Variants in RHOH observed in about 807,000 individuals in gnomAD.
RHOH encodes the protein rho-related GTP-binding protein RhoH.
Under a neutral mutation model 13.8 loss-of-function variants are expected in RHOH, and 6 were observed. The ratio of observed to expected loss-of-function variants is 0.44; its 90% CI spans 0.24 to 0.86. The LOEUF (loss-of-function observed/expected upper bound fraction) is 0.86. Ranked by LOEUF, RHOH falls within the 40% of genes least tolerant of loss-of-function variation. The probability of loss-of-function intolerance (pLI) is 0.24; values close to 1 mark genes in which losing one functional copy is unlikely to be tolerated. For missense variants in RHOH, 147 were observed against 244.5 expected (o/e 0.60, Z 2.66); for synonymous variants, 117 against 103.0 (o/e 1.14, Z -0.82).
upstream of RHOH, among the ~76,000 whole-genome samples, chr4:40,193,325 C>T (rs187253474): frequency 5.3e-5 from 8 of 152,322 alleles, no homozygotes; most frequent in Admixed American, 1.3e-4. Flanking sequence ...TTTCTCCCAA[C>T]CCCATCCCAA....
chr4:40,234,098 G>C (rs1048229043), intron 1 of RHOH, among the ~76,000 whole-genome samples: 3 of 152,108 alleles, frequency 2.0e-5, no homozygotes, highest in Non-Finnish European at 4.4e-5. Context: ...GATTAGATAG[G>C]CATGATTTGC....
chr4:40,209,438 G>T (rs1055431000), intron 1 of RHOH: 1 of 151,152 alleles, frequency 6.6e-6, no homozygotes, highest in East Asian at 1.9e-4. Context: ...TTCCCAAAGA[G>T]ATTTTTTTTT....
At chr4:40,221,219 G>A (rs1309687735) in intron 1 of RHOH, among the ~76,000 whole-genome samples, 3 of 152,076 alleles carry the variant, frequency 2.0e-5, no homozygotes, top group Non-Finnish European at 2.9e-5. Flanking sequence ...TGTCCTTCTC[G>A]GCAAGGGAAG....
intron 1 of RHOH, among the ~76,000 whole-genome samples, chr4:40,219,385 T>C (rs938629879): frequency 1.4e-5 from 2 of 147,648 alleles, no homozygotes; most frequent in African/African-American, 5.0e-5. Flanking sequence ...GCACTCCAGC[T>C]TGGGGACAGA....
At chr4:40,219,589 A>G (rs1364204136) in intron 1 of RHOH, among the ~76,000 whole-genome samples, 1 of 152,146 alleles carries the variant, frequency 6.6e-6, no homozygotes, top group African/African-American at 2.4e-5. Flanking sequence ...TTTCACTTTT[A>G]TACTTTTAAA....
chr4:40,226,934 G>A (rs1727317457), intron 1 of RHOH, among the ~76,000 whole-genome samples: 1 of 152,166 alleles, frequency 6.6e-6, no homozygotes, highest in African/African-American at 2.4e-5. Context: ...CAAGGCAGGT[G>A]GATCACTTGA....
At chr4:40,225,799 C>G (rs1346544172) in intron 1 of RHOH, among the ~76,000 whole-genome samples, 1 of 152,182 alleles carries the variant, frequency 6.6e-6, no homozygotes, top group African/African-American at 2.4e-5. Context: ...GATAGGCAGG[C>G]TCTCACTAAG....
Position 40,243,692 on chromosome 4 carries a change from T to C in RHOH, c.306T>C (p.Ile102=). 3 of 1,614,142 alleles carry C rather than the reference T, an allele frequency of 1.9e-6. No individual in the cohort carries two copies. The highest frequency in any genetic ancestry group is 2.2e-5 in the South Asian group (2 of 91,082). ...TGAAGAACAAGTGGATTGGTGAAAT[T>C]AGGAGCAACTTGCCCTGTACCCCTG... ...LNLKNKWIGE[I]RSNLPCTPVL... The change falls in exon 3 of 3, where the codon ATT becomes ATC. Residue 102 remains isoleucine, a synonymous_variant. Transcript: ENST00000381799. This position sits in a 1 kb window ranked among gnomAD's most constrained non-coding sequence, Gnocchi z 6.2.
At chr4:40,216,358 A>G (rs771923333) in intron 1 of RHOH, among the ~76,000 whole-genome samples, 85 of 151,608 alleles carry the variant, frequency 5.6e-4, no homozygotes, top group Non-Finnish European at 9.1e-4. Context: ...AATCCCAGCT[A>G]CTCCAGAGGC....
At chr4:40,204,108 A>G (rs1724356610) in intron 1 of RHOH, among the ~76,000 whole-genome samples, 1 of 152,230 alleles carries the variant, frequency 6.6e-6, no homozygotes, top group African/African-American at 2.4e-5. Context: ...AGTGAATGAC[A>G]TCGCAGTAGC....
chr4:40,237,677 T>C (rs10031396), intron 1 of RHOH, among the ~76,000 whole-genome samples: 65,047 of 152,120 alleles, frequency 0.43, 16,720 homozygotes, highest in Non-Finnish European at 0.57. Flanking sequence ...TCTTAGTGAA[T>C]GAATCAGCTG....
At chr4:40,224,165 C>T (rs749310054) in intron 1 of RHOH, among the ~76,000 whole-genome samples, 6 of 152,164 alleles carry the variant, frequency 3.9e-5, no homozygotes, top group South Asian at 2.1e-4. Flanking sequence ...GAACTGAACC[C>T]GCGATATCTG....
At chr4:40,225,918 G>T (rs1188310094) in intron 1 of RHOH, among the ~76,000 whole-genome samples, 1 of 150,778 alleles carries the variant, frequency 6.6e-6, no homozygotes, top group African/African-American at 2.5e-5. Flanking sequence ...CTTGGACAAG[G>T]TACTTTACTT....
At chr4:40,196,692 CTTTTTT>C (rs397768063), upstream of RHOH, among the ~76,000 whole-genome samples, 1 of 117,678 alleles carries the variant, frequency 8.5e-6, no homozygotes, top group Non-Finnish European at 1.7e-5. Flanking sequence ...GTGGCATGGA[CTTTTTT>C]TTTTTTTTTT....
intron 1 of RHOH, among the ~76,000 whole-genome samples, chr4:40,208,268 G>A (rs914619343): frequency 9.9e-5 from 15 of 152,246 alleles, no homozygotes; most frequent in East Asian, 9.6e-4. Context: ...CAACAGGTAC[G>A]TAGCTCATTA....
rs1369981548 is a variant in RHOH, at chr4:40,243,240, C to T, written c.-147C>T. 1.6e-6 allele frequency: 1 copy of T among 610,072 alleles called. No individual in the cohort carries two copies. Among genetic ancestry groups the T allele is most frequent in the African/African-American group, 1.9e-5 (1 of 53,640 alleles). The allele number at this position is 610,072 out of a possible 1,614,324, so 37.8% of individuals were successfully genotyped here. On this transcript the variant is annotated 5_prime_UTR_variant, in exon 3 of 3. Transcript: ENST00000381799. This position sits in a 1 kb window ranked among gnomAD's most constrained non-coding sequence, Gnocchi z 6.2. ...TGCTTGGATGGGCAGGGAGAAGTAA[C>T]ATTCTGCAAATCGCCGTCAGAGGTC...
chr4:40,196,625 A>T (rs980918684), upstream of RHOH, among the ~76,000 whole-genome samples: 1 of 149,586 alleles, frequency 6.7e-6, no homozygotes, highest in African/African-American at 2.4e-5. Context: ...CCCCAAGCTG[A>T]TGGGGGGAAA....
At chr4:40,239,706 C>T (rs971924451) in intron 1 of RHOH, among the ~76,000 whole-genome samples, 1 of 151,954 alleles carries the variant, frequency 6.6e-6, no homozygotes, top group East Asian at 1.9e-4. Context: ...TGGTGAAACC[C>T]CATCTCCACT....
chr4:40,235,994 A>G (rs1442046334), intron 1 of RHOH, among the ~76,000 whole-genome samples: 5 of 114,880 alleles, frequency 4.4e-5, no homozygotes, highest in African/African-American at 1.3e-4. Flanking sequence ...AGAAAAAAAA[A>G]AAAAGAAAAA....
Sources: gnomAD v4.1 joint callset for allele counts (sites outside exome capture counted in the v4.1 genomes callset) on GRCh38, gnomAD v4.1.1 for gene constraint, Gnocchi (gnomAD v3.1) non-coding constraint, MANE v1.5 for transcripts, NCBI Gene and HGNC (gene_info 2026-07-23, HGNC 2026-07-21) for gene names.